CMPK1: variants seen among roughly 807,000 people sequenced by gnomAD.
CMPK1 encodes UMP-CMP kinase.
A neutral mutation model predicts 25.7 loss-of-function variants in CMPK1; 10 were observed. The ratio of observed to expected loss-of-function variants is 0.39; its 90% CI spans 0.24 to 0.66. The LOEUF is 0.66. CMPK1 is among the 30% of genes least tolerant of loss of function. The pLI is 0.48. For missense variants in CMPK1, 199 were observed against 280.5 expected, an observed-to-expected ratio of 0.71 and a Z score of 2.08; for synonymous variants, 106 against 101.5, an observed-to-expected ratio of 1.04 and a Z score of -0.27.
intron 1 of CMPK1, among the ~76,000 whole-genome samples, chr1:47,339,701 CTT>C (rs71053104): frequency 0.018 from 1,986 of 109,812 alleles, 62 homozygotes; most frequent in African/African-American, 0.065. Context: ...TCTTCCTTTC[CTT>C]TTTTTTTTTT....
At chr1:47,334,258 G>A in intron 1 of CMPK1, 142 bp downstream of exon 1, 1 of 786,110 alleles carries the variant, frequency 1.3e-6, no homozygotes. Context: ...CCGCGTGGCA[G>A]TGGCCGAGGG....
At chr1:47,348,490 C>T (rs948439615) in intron 1 of CMPK1, among the ~76,000 whole-genome samples, 22 of 152,212 alleles carry the variant, frequency 1.4e-4, no homozygotes, top group Non-Finnish European at 2.4e-4. Flanking sequence ...CTGCCTGGTG[C>T]GTAAAGTTAA....
intron 1 of CMPK1, among the ~76,000 whole-genome samples, chr1:47,343,760 C>A (rs1018641277): frequency 6.6e-6 from 1 of 151,564 alleles, no homozygotes; most frequent in Non-Finnish European, 1.5e-5. Context: ...TGGTGGCGGG[C>A]GCCTGTAGTC....
rs547308542 is a variant in CMPK1, at chr1:47,355,312, C to G, written c.172-13157C>G. Among the ~76,000 whole-genome samples, 6 of 148,408 alleles carry G rather than the reference C, an allele frequency of 4.0e-5. No homozygotes were observed. In the Admixed American group the frequency reaches 4.1e-4, roughly 10 times the overall value. On this transcript the variant is annotated intron_variant, in intron 1 of 5. Transcript: ENST00000371873. ...CCGCCTGCCTTGGCCTCCCAAAGTG[C>G]TGAGATTACAAGCATGAGCCACCAT... is the stretch of plus-strand genomic sequence containing the variant.
At chr1:47,338,532 TCTCCTTCCCTCCCTC>T (rs1646416709) in intron 1 of CMPK1, among the ~76,000 whole-genome samples, 1 of 56,424 alleles carries the variant, frequency 1.8e-5, no homozygotes, top group Non-Finnish European at 4.3e-5. Flanking sequence ...TCCCTCCCTC[TCTCCTTCCCTCCCTC>T]CCTCTCTCCT....
At chr1:47,341,489 C>T (rs894250916) in intron 1 of CMPK1, among the ~76,000 whole-genome samples, 53 of 152,122 alleles carry the variant, frequency 3.5e-4, no homozygotes, top group African/African-American at 1.1e-3. Flanking sequence ...CTGCCTCAGC[C>T]TCCCAAGTAG....
rs549340963 is a variant in CMPK1 at position 47,361,156 on chromosome 1, C to T, written c.172-7313C>T. ...CTGTAATCCCAGCACTTTGGGAGGC[C>T]GAGGCCAGTGGATCATGAGGTCAAG... On this transcript the variant is annotated intron_variant, in intron 1 of 5. Coordinates refer to ENST00000371873, the MANE Select transcript of CMPK1 (RefSeq NM_016308.3). Among the ~76,000 whole-genome samples, 14 of 152,034 alleles carry T rather than the reference C, an allele frequency of 9.2e-5. No individual in the cohort carries two copies. The East Asian group carries it at 2.3e-3, about 25-fold the overall frequency.
chr1:47,349,789 G>A (rs1016644331), intron 1 of CMPK1, among the ~76,000 whole-genome samples: 1 of 152,030 alleles, frequency 6.6e-6, no homozygotes, highest in African/African-American at 2.4e-5. Flanking sequence ...ACAGGGTCTT[G>A]TTCTGTTGCC....
At chr1:47,340,698 C>T (rs897953254) in intron 1 of CMPK1, among the ~76,000 whole-genome samples, 3 of 152,038 alleles carry the variant, frequency 2.0e-5, no homozygotes, top group South Asian at 2.1e-4. Flanking sequence ...AGTGCAGTGG[C>T]ACGATCTTGG....
intron 5 of CMPK1, 136 bp downstream of exon 5, chr1:47,375,429 G>A (rs774384410): frequency 6.7e-5 from 40 of 601,052 alleles, no homozygotes; most frequent in Non-Finnish European, 1.1e-4. Context: ...AGTCATGGTG[G>A]CTCATGCTTG....
rs1437202949 is a variant in CMPK1 at position 47,359,260 on chromosome 1, T to TGA, written c.172-9207_172-9206dup. 6.0e-5 allele frequency among the ~76,000 whole-genome samples: 9 copies of TGA among 151,184 alleles called. No individual in the cohort carries two copies. In the East Asian group the frequency reaches 1.8e-3, roughly 30 times the overall value. On this transcript the variant is annotated intron_variant, in intron 1 of 5. Transcript: ENST00000371873. ...TGAACCTGGGAGGCAGAGCTTGCAG[T>TGA]GAGCCAAGATCGCGCCACCGCACTC... is the stretch of plus-strand genomic sequence containing the variant.
At chr1:47,346,284 G>A (rs1382563197) in intron 1 of CMPK1, among the ~76,000 whole-genome samples, 4 of 150,488 alleles carry the variant, frequency 2.7e-5, no homozygotes, top group East Asian at 2.0e-4. Context: ...TCATGACCTC[G>A]TGATCCGCCA....
chr1:47,339,676 TG>T (rs1646424455), intron 1 of CMPK1, among the ~76,000 whole-genome samples: 1 of 141,844 alleles, frequency 7.1e-6, no homozygotes, highest in South Asian at 2.2e-4. Context: ...TGTCTTCCTC[TG>T]ATTTCTTTTT....
intron 1 of CMPK1, chr1:47,358,872 C>T (rs1225882573): frequency 5.1e-6 from 5 of 984,238 alleles, no homozygotes; most frequent in Non-Finnish European, 6.0e-6. Flanking sequence ...TCCTAAAGAG[C>T]ACCTGAGATA....
In CMPK1 at chr1:47,377,670, C is replaced by T. The variant is rs1646716856; in HGVS notation, c.*925C>T. ...TAGAAGAAGCAATCTAGTTAAATTT[C>T]CCATTTGTATTTTATTTTCTTGAAT... On this transcript the variant is annotated 3_prime_UTR_variant, in exon 6 of 6. Transcript: ENST00000371873. 6.6e-6 allele frequency: 1 copy of T among 152,330 alleles called. No individual in the cohort carries two copies. Among genetic ancestry groups the T allele is most frequent in the African/African-American group, 2.4e-5 (1 of 41,318 alleles). 9.4% of individuals were successfully genotyped at this position (152,330 alleles called of 1,614,324 possible). A position where few individuals can be genotyped will look rare whatever the true frequency, so the allele number is the denominator to read the frequency against.
chr1:47,369,686 C>T (rs142424861), intron 2 of CMPK1, among the ~76,000 whole-genome samples: 1,618 of 151,268 alleles, frequency 0.011, 26 homozygotes, highest in African/African-American at 0.037. Context: ...CTCAGCCTCC[C>T]GAGTAGCTGG....
intron 1 of CMPK1, among the ~76,000 whole-genome samples, chr1:47,351,269 T>C (rs899271901): frequency 1.3e-5 from 2 of 151,944 alleles, no homozygotes; most frequent in African/African-American, 4.8e-5. Context: ...TTATTAGAGA[T>C]GGGGTTTCAC....
intron 5 of CMPK1, among the ~76,000 whole-genome samples, chr1:47,376,327 AT>A (rs961670922): frequency 5.9e-5 from 9 of 151,530 alleles, no homozygotes; most frequent in Non-Finnish European, 1.0e-4. Context: ...ATTTATATAT[AT>A]TTTTTGAGAC....
At chr1:47,346,017 T>C (rs1161695744) in intron 1 of CMPK1, among the ~76,000 whole-genome samples, 1 of 151,948 alleles carries the variant, frequency 6.6e-6, no homozygotes, top group East Asian at 1.9e-4. Flanking sequence ...GTGCTGGGAT[T>C]AGAGGTGTGA....
Sources: gnomAD v4.1 joint callset for allele counts (sites outside exome capture counted in the v4.1 genomes callset) on GRCh38, gnomAD v4.1.1 for gene constraint, MANE v1.5 for transcripts, NCBI Gene and HGNC (gene_info 2026-07-23, HGNC 2026-07-21) for gene names.